Variants in FRMD4A observed in about 807,000 individuals in gnomAD.
FRMD4A encodes FERM domain-containing protein 4A.
FRMD4A carries 29 observed loss-of-function variants against 129.1 expected under a neutral mutation model. The observed-to-expected ratio is 0.22, with a 90% CI of 0.17 to 0.31. The LOEUF is 0.31. Among genes scored for constraint, FRMD4A ranks in the 10% least tolerant of loss-of-function variants. The pLI is 1.00. For missense variants in FRMD4A, 1,272 were observed against 1,375.8 expected (o/e 0.92, Z 1.19); for synonymous variants, 634 against 571.6 (o/e 1.11, Z -1.56).
At chr10:13,810,683 C>T (rs1017531882) in intron 4 of FRMD4A, 131 bp downstream of exon 4, 1 of 476,640 alleles carries the variant, frequency 2.1e-6, no homozygotes, top group African/African-American at 2.0e-5. Context: ...AGATGATGAA[C>T]TTGGACTGAC....
At chr10:14,057,774 T>C (rs1834611983) in intron 2 of FRMD4A, among the ~76,000 whole-genome samples, 2 of 152,184 alleles carry the variant, frequency 1.3e-5, no homozygotes, top group South Asian at 4.1e-4. Context: ...TTCACCATGT[T>C]GGTCAGGCTG....
intron 2 of FRMD4A, among the ~76,000 whole-genome samples, chr10:14,185,583 T>C (rs150128361): frequency 4.0e-5 from 6 of 151,698 alleles, no homozygotes; most frequent in East Asian, 1.9e-4. Flanking sequence ...TCTCGTCTTG[T>C]AAGAAAGAGA....
At chr10:14,085,033 C>G (rs910854725) in intron 2 of FRMD4A, among the ~76,000 whole-genome samples, 1 of 152,192 alleles carries the variant, frequency 6.6e-6, no homozygotes, top group African/African-American at 2.4e-5. Context: ...AAAACAAACC[C>G]CTCGGGTACG....
At chr10:13,971,921 C>A (rs1041975346) in intron 2 of FRMD4A, 21 of 1,238,256 alleles carry the variant, frequency 1.7e-5, no homozygotes, top group Non-Finnish European at 2.1e-5. Flanking sequence ...AAAATGCAGT[C>A]CAAATAACTC....
At chr10:14,175,985 G>A (rs902851851) in intron 2 of FRMD4A, among the ~76,000 whole-genome samples, 1 of 152,198 alleles carries the variant, frequency 6.6e-6, no homozygotes, top group African/African-American at 2.4e-5. Context: ...TTATATAAAA[G>A]ATTATTGCCA....
intron 2 of FRMD4A, among the ~76,000 whole-genome samples, chr10:13,927,562 A>T (rs2698120): frequency 0.18 from 27,023 of 152,204 alleles, 2,512 homozygotes; most frequent in East Asian, 0.27. Context: ...AGGAGCTGGG[A>T]GATAATTTTA....
At chr10:13,689,198 C>CGGGGGGGTGGGGGG (rs2085398998) in intron 15 of FRMD4A, among the ~76,000 whole-genome samples, 3 of 68,064 alleles carry the variant, frequency 4.4e-5, no homozygotes, top group Non-Finnish European at 9.7e-5. Context: ...AAACTCTTTG[C>CGGGGGGGTGGGGGG]GGGGGGGGGG....
chr10:13,770,754 T>A lies in FRMD4A; in HGVS notation c.385-8074A>T, dbSNP rs1357525518. On this transcript the variant is annotated intron_variant, in intron 6 of 24. Coordinates refer to ENST00000357447, the MANE Select transcript of FRMD4A (RefSeq NM_018027.5). ...CTACTGATTCCTGGCCTGGAATCAT[T>A]CTTTTAGAGATCATGGGCACAGCCA... Among the ~76,000 whole-genome samples the A allele has an allele frequency of 1.3e-5, 2 of 152,134 alleles. 1 individual carries two copies. The highest frequency in any genetic ancestry group is 3.9e-4 in the East Asian group (2 of 5,182).
At chr10:13,772,581 A>G (rs78095148) in intron 6 of FRMD4A, among the ~76,000 whole-genome samples, 2,153 of 152,274 alleles carry the variant, frequency 0.014, 94 homozygotes, top group South Asian at 0.12. Context: ...CACACAAACC[A>G]TCTTTGTGTC....
At chr10:13,858,640 T>C (rs2094247364) in intron 3 of FRMD4A, among the ~76,000 whole-genome samples, 2 of 152,222 alleles carry the variant, frequency 1.3e-5, no homozygotes, top group African/African-American at 2.4e-5. Context: ...GATGTACATC[T>C]GGCCTTGGAT....
At chr10:14,267,250 C>T (rs1471930216) in intron 2 of FRMD4A, among the ~76,000 whole-genome samples, 2 of 152,152 alleles carry the variant, frequency 1.3e-5, no homozygotes, top group African/African-American at 4.8e-5. Context: ...CTGTGTGTGG[C>T]TGAGTTCTTG....
chr10:13,784,259 C>G (rs796561508), intron 5 of FRMD4A, among the ~76,000 whole-genome samples: 1 of 152,138 alleles, frequency 6.6e-6, no homozygotes, highest in Non-Finnish European at 1.5e-5. Context: ...GATGGAGTCC[C>G]CAGCTCTGTG....
At chr10:14,064,114 T>C (rs1280841443) in intron 2 of FRMD4A, among the ~76,000 whole-genome samples, 1 of 152,212 alleles carries the variant, frequency 6.6e-6, no homozygotes, top group African/African-American at 2.4e-5. Flanking sequence ...CCAATGGAAT[T>C]CCACTTAATT....
At chr10:14,186,344 C>T (rs921478797) in intron 2 of FRMD4A, among the ~76,000 whole-genome samples, 5 of 152,170 alleles carry the variant, frequency 3.3e-5, no homozygotes, top group Non-Finnish European at 7.3e-5. Context: ...CATGAGGAGG[C>T]ATGAAGAGAT....
intron 3 of FRMD4A, among the ~76,000 whole-genome samples, chr10:13,825,003 T>G (rs1055523449): frequency 1.3e-5 from 2 of 149,280 alleles, no homozygotes; most frequent in Non-Finnish European, 3.0e-5. Context: ...CATTTTTCCC[T>G]CATTCCTGGG....
chr10:13,834,297 A>G (rs1468168173), intron 3 of FRMD4A, among the ~76,000 whole-genome samples: 1 of 151,932 alleles, frequency 6.6e-6, no homozygotes, highest in Non-Finnish European at 1.5e-5. Flanking sequence ...CAAAACAAAA[A>G]CCACCACCAA....
intron 12 of FRMD4A, among the ~76,000 whole-genome samples, chr10:13,736,450 G>A (rs2090635141): frequency 6.6e-6 from 1 of 152,190 alleles, no homozygotes; most frequent in African/African-American, 2.4e-5. Context: ...ACCCGCCAAA[G>A]AGCCAGGTTC....
At chr10:14,152,433 G>T (rs76871654) in intron 2 of FRMD4A, among the ~76,000 whole-genome samples, 1 of 152,088 alleles carries the variant, frequency 6.6e-6, no homozygotes, top group Non-Finnish European at 1.5e-5. Flanking sequence ...GGCCATGTTT[G>T]TGTAGTTCTA....
intron 2 of FRMD4A, among the ~76,000 whole-genome samples, chr10:14,147,238 A>C (rs1840117928): frequency 6.6e-6 from 1 of 152,180 alleles, no homozygotes; most frequent in African/African-American, 2.4e-5. Flanking sequence ...GGGGTCAGAC[A>C]GTTCAGAGCC....
Sources: allele counts gnomAD v4.1 joint callset (sites outside exome capture counted in the v4.1 genomes callset), GRCh38; gene constraint gnomAD v4.1.1; transcripts MANE v1.5; gene names NCBI Gene and HGNC (gene_info 2026-07-23, HGNC 2026-07-21).